The following ANKDD1A variants were observed in gnomAD, a reference collection of about 807,000 sequenced individuals.
ANKDD1A encodes ankyrin repeat and death domain containing 1A, also known as ankyrin repeat and death domain-containing protein 1A.
In ANKDD1A, 59 loss-of-function variants were observed where a neutral mutation model predicts 63.5. The ratio of observed to expected loss-of-function variants is 0.93; its 90% CI spans 0.75 to 1.15. ANKDD1A has a LOEUF of 1.15. Among genes scored for constraint, ANKDD1A ranks in the 50% most tolerant of loss-of-function variants. The probability of loss-of-function intolerance (pLI) is 0.00; values close to 1 mark genes in which losing one functional copy is unlikely to be tolerated. For missense variants in ANKDD1A, 632 were observed against 656.4 expected (o/e 0.96, Z 0.41); for synonymous variants, 266 against 263.9 (o/e 1.01, Z -0.08).
chr15:64,935,752 G>A (rs1214303520), intron 9 of ANKDD1A, among the ~76,000 whole-genome samples: 1 of 151,958 alleles, frequency 6.6e-6, no homozygotes, highest in African/African-American at 2.4e-5. Context: ...GCTGAAGCAC[G>A]AGAATCACTT....
At chr15:64,923,258 C>G (rs910168043) in intron 4 of ANKDD1A, among the ~76,000 whole-genome samples, 1 of 152,086 alleles carries the variant, frequency 6.6e-6, no homozygotes, top group Non-Finnish European at 1.5e-5. Context: ...GGAATTCGGG[C>G]AGCTTCTAGA....
In ANKDD1A at chr15:64,927,277, G is replaced by A. The variant is rs150742500; in HGVS notation, c.570+278G>A. Among the ~76,000 whole-genome samples, 37 of 152,328 alleles carry A rather than the reference G, an allele frequency of 2.4e-4. 1 individual carries two copies. The East Asian group carries it at 6.8e-3, about 28-fold the overall frequency. On this transcript the variant is annotated intron_variant, in intron 6 of 14. Transcript: ENST00000319580. Reference sequence around the variant, plus strand: ...CAGGCATAGTAAGGATTTCTGATCCGACGTGGCTGGCCAGGGTGGCAGATC... The same window carrying A: ...CAGGCATAGTAAGGATTTCTGATCCAACGTGGCTGGCCAGGGTGGCAGATC...
intron 1 of ANKDD1A, among the ~76,000 whole-genome samples, chr15:64,914,912 A>G (rs2084958100): frequency 6.6e-6 from 1 of 152,102 alleles, no homozygotes; most frequent in African/African-American, 2.4e-5. Flanking sequence ...AGGTGCAGCG[A>G]TGGGGGTGAG....
At chr15:64,922,345 G>T (rs2140367294) in intron 4 of ANKDD1A, 1 of 254,854 alleles carries the variant, frequency 3.9e-6, no homozygotes, top group Non-Finnish European at 7.5e-6. Context: ...AGTGCGGTGG[G>T]GTGAAAGGAG....
intron 3 of ANKDD1A, 37 bp from the exon 4 acceptor site, chr15:64,921,884 C>A: frequency 6.3e-7 from 1 of 1,597,700 alleles, no homozygotes; most frequent in South Asian, 1.1e-5. Flanking sequence ...CACGCCTTCC[C>A]ACATTCTTCT....
At chr15:64,945,208 A>C (rs866734790) in intron 12 of ANKDD1A, among the ~76,000 whole-genome samples, 29 of 152,142 alleles carry the variant, frequency 1.9e-4, no homozygotes, top group African/African-American at 5.1e-4. Context: ...AATATTTGCT[A>C]TTCCAGTTAG....
At chr15:64,954,764 T>C (rs2085397584) in intron 14 of ANKDD1A, among the ~76,000 whole-genome samples, 1 of 147,698 alleles carries the variant, frequency 6.8e-6, no homozygotes, top group African/African-American at 2.6e-5. Flanking sequence ...CTTTTTGTTC[T>C]TCTTTCTTCT....
In ANKDD1A at chr15:64,949,919, C is replaced by T. The variant is rs200681239; in HGVS notation, c.1430C>T (p.Pro477Leu). The T allele has an allele frequency of 2.2e-5, 36 of 1,609,154 alleles. No individual in the cohort carries two copies. The East Asian group carries it at 4.7e-4, about 21-fold the overall frequency. ...LHGVATAGEN[P>L]SKALFEGLVA... is the part of the protein sequence containing the mutation. Reference sequence around the variant, plus strand: ...GGCGTGGCCACGGCTGGTGAGAACCCCAGCAAAGCGCTGTTCGAGGGCCTC... The same window carrying T: ...GGCGTGGCCACGGCTGGTGAGAACCTCAGCAAAGCGCTGTTCGAGGGCCTC... The change falls in exon 14 of 15, where the codon CCC becomes CTC. Residue 477 changes from proline to leucine, a missense_variant. Physicochemically the swap from Pro to Leu is moderately conservative, Grantham distance 98. Coordinates refer to ENST00000319580, the MANE Select transcript of ANKDD1A (RefSeq NM_182703.6).
At chr15:64,926,207 G>C in intron 5 of ANKDD1A, 37 bp downstream of exon 5, 1 of 1,597,588 alleles carries the variant, frequency 6.3e-7, no homozygotes, top group Non-Finnish European at 8.6e-7. Context: ...ATTCCCATTG[G>C]GCGGGGGGCT....
At chr15:64,946,103 A>G (rs2085220758) in intron 12 of ANKDD1A, among the ~76,000 whole-genome samples, 1 of 152,164 alleles carries the variant, frequency 6.6e-6, no homozygotes, top group Non-Finnish European at 1.5e-5. Flanking sequence ...AGTTTCAAGG[A>G]AGTCTTTTGA....
chr15:64,948,156 G>T (rs548119496), intron 13 of ANKDD1A, among the ~76,000 whole-genome samples: 204 of 149,888 alleles, frequency 1.4e-3, no homozygotes, highest in African/African-American at 3.3e-3. Context: ...AAAAAATATA[G>T]AGAGAGAATC....
chr15:64,953,545 C>T (rs1393481072), intron 14 of ANKDD1A, among the ~76,000 whole-genome samples: 2,507 of 115,616 alleles, frequency 0.022, 57 homozygotes, highest in South Asian at 0.035. Flanking sequence ...TCTCCTTCTT[C>T]CTTCTCCTTC....
intron 14 of ANKDD1A, chr15:64,951,395 CTCTTTTTTCTTTTT>C (rs1380271370): frequency 9.6e-6 from 1 of 104,000 alleles, no homozygotes; most frequent in African/African-American, 6.4e-5. Context: ...TTTCTTCTTC[CTCTTTTTTCTTTTT>C]TCTTTTCTTC....
At chr15:64,935,693 A>G (rs898193037) in intron 9 of ANKDD1A, among the ~76,000 whole-genome samples, 1 of 151,424 alleles carries the variant, frequency 6.6e-6, no homozygotes, top group Non-Finnish European at 1.5e-5. Context: ...AAGAAAAGAA[A>G]ATTACTCAGG....
chr15:64,954,069 CTTCCTCTTTTCTTCTTCT>C (rs2085373087), intron 14 of ANKDD1A, among the ~76,000 whole-genome samples: 19 of 23,400 alleles, frequency 8.1e-4, no homozygotes, highest in Admixed American at 7.4e-3. Flanking sequence ...CTTCTTTCTT[CTTCCTCTTTTCTTCTTCT>C]TTCTCCTCCC....
At chr15:64,923,271 C>T (rs767117643) in intron 4 of ANKDD1A, among the ~76,000 whole-genome samples, 2 of 152,092 alleles carry the variant, frequency 1.3e-5, no homozygotes, top group Non-Finnish European at 2.9e-5. Context: ...CTTCTAGAAG[C>T]TGGAAAAGGC....
At position 64,934,204 on chromosome 15, in the gene ANKDD1A, C is replaced by T. The variant is rs751886945; in HGVS notation, c.837C>T (p.His279=). 56 of 1,612,184 alleles carry T rather than the reference C, an allele frequency of 3.5e-5. No homozygotes were observed. In the East Asian group the frequency reaches 6.2e-4, roughly 18 times the overall value. Reference sequence around the variant, plus strand: ...AGGATGTGTCTCGGGTCCTCATCCACGCAGGAGGCTGCGCCAACGTGGTTG... The same window carrying T: ...AGGATGTGTCTCGGGTCCTCATCCATGCAGGAGGCTGCGCCAACGTGGTTG... The part of the protein sequence containing the change: ...GSEDVSRVLI[H]AGGCANVVDH... The change falls in exon 9 of 15, where the codon CAC becomes CAT. Residue 279 remains histidine, a synonymous_variant. Coordinates refer to ENST00000319580, the MANE Select transcript of ANKDD1A (RefSeq NM_182703.6).
Position 64,930,790 on chromosome 15 carries a change from TGCTGGCCTCTCA to T in ANKDD1A, c.571-30_571-19del. 2.5e-6 allele frequency: 4 copies of T among 1,597,218 alleles called. No homozygotes were observed. The highest frequency in any genetic ancestry group is 3.4e-6 in the Non-Finnish European group (4 of 1,172,662). ...TCTGTGATTCTGGGACTCTCTGGTC[TGCTGGCCTCTCA>T]GGAGCCCTTTTTCCTGCAGGAGGGG... On this transcript the variant is annotated intron_variant, in intron 6 of 14. Transcript: ENST00000319580.
intron 14 of ANKDD1A, among the ~76,000 whole-genome samples, chr15:64,953,529 TTC>T (rs2085344164): frequency 9.1e-6 from 1 of 110,206 alleles, no homozygotes; most frequent in African/African-American, 3.5e-5. Flanking sequence ...TTCTTCCTTC[TTC>T]TCCTCTCCTT....
Sources: gnomAD v4.1 joint callset for allele counts (sites outside exome capture counted in the v4.1 genomes callset) on GRCh38, gnomAD v4.1.1 for gene constraint, MANE v1.5 for transcripts, NCBI Gene and HGNC (gene_info 2026-07-23, HGNC 2026-07-21) for gene names.